CRYBG3: variants seen among roughly 807,000 people sequenced by gnomAD.
CRYBG3 encodes very large A-kinase anchor protein.
Under a neutral mutation model 244.2 loss-of-function variants are expected in CRYBG3, and 127 were observed. That is an observed-to-expected ratio of 0.52 (90% confidence interval 0.45 to 0.60). The LOEUF is 0.60. CRYBG3 is among the 20% of genes least tolerant of loss of function. CRYBG3 has a pLI of 0.00. For missense variants in CRYBG3, 3,325 were observed against 3,442.5 expected (o/e 0.97, Z 0.85); for synonymous variants, 1,132 against 1,195.8 (o/e 0.95, Z 1.10).
intron 2 of CRYBG3, among the ~76,000 whole-genome samples, chr3:97,851,602 G>A (rs4857296): frequency 0.44 from 67,578 of 152,082 alleles, 16,234 homozygotes; most frequent in East Asian, 0.67. Flanking sequence ...AGTAGTGTGA[G>A]AGAAAGAAAG....
intron 1 of CRYBG3, among the ~76,000 whole-genome samples, chr3:97,824,951 TC>T: frequency 6.6e-6 from 1 of 152,282 alleles, no homozygotes; most frequent in South Asian, 2.1e-4. Context: ...AGGAAGTGCT[TC>T]CTGGTAGGGA....
At chr3:97,871,370 T>C (rs1329504827) in intron 3 of CRYBG3, among the ~76,000 whole-genome samples, 2 of 152,204 alleles carry the variant, frequency 1.3e-5, no homozygotes, top group Non-Finnish European at 2.9e-5. Flanking sequence ...CCAAGTTACG[T>C]GCTAAACATT....
At position 97,944,129 on chromosome 3, in the gene CRYBG3, CAA is replaced by C. The variant is rs768382401; in HGVS notation, c.*816_*817del. 2.0e-5 allele frequency: 3 copies of C among 148,572 alleles called. No homozygotes were observed. Among genetic ancestry groups the C allele is most frequent in the Non-Finnish European group, 3.0e-5 (2 of 67,170 alleles). The allele number at this position is 148,572 out of a possible 1,614,324, so 9.2% of individuals were successfully genotyped here. A position where few individuals can be genotyped will look rare whatever the true frequency, so the allele number is the denominator to read the frequency against. On this transcript the variant is annotated 3_prime_UTR_variant, in exon 22 of 22. Coordinates refer to ENST00000389622, the MANE Select transcript of CRYBG3 (RefSeq NM_153605.4). ...CATCAATTTTTTTTTTTTTTTGCCTCAAGAGAAATTTCAAATATCCAAATTAA... is the reference window on the plus strand; with the variant it reads ...CATCAATTTTTTTTTTTTTTTGCCTCGAGAAATTTCAAATATCCAAATTAA...
At chr3:97,934,355 C>G (rs747188053) in intron 18 of CRYBG3, among the ~76,000 whole-genome samples, 11 of 151,964 alleles carry the variant, frequency 7.2e-5, no homozygotes, top group Non-Finnish European at 1.6e-4. Context: ...ATACTTAGGA[C>G]AGAAATGGTG....
At chr3:97,843,334 T>C in intron 2 of CRYBG3, 73 bp downstream of exon 2, 1 of 803,186 alleles carries the variant, frequency 1.2e-6, no homozygotes, top group Non-Finnish European at 1.9e-6. Context: ...TTAGATTCTG[T>C]CATCTTATTT....
intron 11 of CRYBG3, 111 bp downstream of exon 11, chr3:97,893,104 C>A: frequency 2.2e-6 from 2 of 926,006 alleles, no homozygotes; most frequent in Non-Finnish European, 3.3e-6. Context: ...AATATACATT[C>A]CTTCTGTAAT....
intron 1 of CRYBG3, among the ~76,000 whole-genome samples, chr3:97,828,949 G>C (rs1428371201): frequency 6.6e-6 from 1 of 152,014 alleles, no homozygotes; most frequent in Non-Finnish European, 1.5e-5. Context: ...AAATAAATCT[G>C]TCACTAGTGT....
At chr3:97,826,555 A>G (rs2108149947) in intron 1 of CRYBG3, among the ~76,000 whole-genome samples, 1 of 152,368 alleles carries the variant, frequency 6.6e-6, no homozygotes, top group East Asian at 1.9e-4. Flanking sequence ...AACGTTAGTT[A>G]CCAATTATTA....
chr3:97,881,077 T>A lies in CRYBG3; in HGVS notation c.7010T>A (p.Ile2337Asn). 6.3e-7 allele frequency: 1 copy of A among 1,586,970 alleles called. No individual in the cohort carries two copies. The highest frequency in any genetic ancestry group is 2.3e-5 in the East Asian group (1 of 44,394). Residue 2337 changes from isoleucine to asparagine, a missense_variant, in exon 7 of 22, where the codon ATT becomes AAT. Physicochemically the swap from Ile to Asn is moderately radical, Grantham distance 149. Coordinates refer to ENST00000389622, the MANE Select transcript of CRYBG3 (RefSeq NM_153605.4). Reference protein sequence around the residue: ...VLIKVVRGCWILYEKPHFRGQ... With the variant: ...VLIKVVRGCWNLYEKPHFRGQ... ...TTGCATTTCTCTTTGTTTAGCTGGA[T>A]TTTATATGAGAAACCACATTTCCGA...
chr3:97,940,409 T>C (rs1477600273), intron 19 of CRYBG3, among the ~76,000 whole-genome samples: 2 of 152,042 alleles, frequency 1.3e-5, no homozygotes, highest in Non-Finnish European at 2.9e-5. Context: ...TTTGTGGTTA[T>C]TCTGACAAAT....
At chr3:97,903,095 G>C (rs1359228477) in intron 15 of CRYBG3, among the ~76,000 whole-genome samples, 2 of 152,022 alleles carry the variant, frequency 1.3e-5, no homozygotes, top group Non-Finnish European at 2.9e-5. Flanking sequence ...TAAATGTTTG[G>C]ATTTATTTAA....
rs554611204 is a variant in CRYBG3, at chr3:97,922,718, G to T, written c.8241+6982G>T. ...TGCTGGAGAGGATGTGGAGAAATAG[G>T]AACACTTTTACACTGTTGGTGGGAC... On this transcript the variant is annotated intron_variant, in intron 17 of 21. Transcript: ENST00000389622. 2.0e-5 allele frequency among the ~76,000 whole-genome samples: 3 copies of T among 152,252 alleles called. No individual in the cohort carries two copies. In the East Asian group the frequency reaches 5.8e-4, roughly 29 times the overall value.
At position 97,822,325 on chromosome 3, in the gene CRYBG3, C is replaced by T. The variant is rs952579051; in HGVS notation, c.119C>T (p.Pro40Leu). Residue 40 changes from proline to leucine, a missense_variant, in exon 1 of 22, where the codon CCG becomes CTG. Physicochemically the swap from Pro to Leu is moderately conservative, Grantham distance 98. This residue lies in a region of CRYBG3 where 1,526 missense variants were observed against 1,443.2 expected (regional missense o/e 1.06). Transcript: ENST00000389622. ...EEEEERPGTS[P>L]PPAPGRSAAS... ...GAGGAGGAGAGGCCGGGGACGAGCC[C>T]GCCTCCAGCTCCAGGCCGGTCCGCT... The T allele has an allele frequency of 5.9e-5, 90 of 1,512,860 alleles. No homozygotes were observed. The Admixed American group carries it at 1.4e-3, about 24-fold the overall frequency. 93.7% of individuals were successfully genotyped at this position (1,512,860 alleles called of 1,614,324 possible). A position where few individuals can be genotyped will look rare whatever the true frequency, so the allele number is the denominator to read the frequency against.
Position 97,877,666 on chromosome 3 carries a change from T to C in CRYBG3, c.6472T>C (p.Leu2158=). 6.2e-7 allele frequency: 1 copy of C among 1,614,028 alleles called. No homozygotes were observed. The highest frequency in any genetic ancestry group is 8.5e-7 in the Non-Finnish European group (1 of 1,179,990). ...AGAAGAGGAGGAGGAGGCAGCAGTA[T>C]TGCATAAAGGAGATCTGAGAGCTGG... ...EEEEEEEAAV[L]HKGDLRAGSG... Residue 2158 remains leucine, a synonymous_variant, in exon 4 of 22, where the codon TTG becomes CTG. Transcript: ENST00000389622.
At chr3:97,896,277 A>T (rs1266216794) in intron 12 of CRYBG3, among the ~76,000 whole-genome samples, 192 bp downstream of exon 12, 1 of 151,962 alleles carries the variant, frequency 6.6e-6, no homozygotes, top group African/African-American at 2.4e-5. Flanking sequence ...TTAACTTTTC[A>T]TCCATTGTTT....
At chr3:97,887,120 G>T (rs2039517377) in intron 8 of CRYBG3, among the ~76,000 whole-genome samples, 1 of 152,152 alleles carries the variant, frequency 6.6e-6, no homozygotes, top group Non-Finnish European at 1.5e-5. Flanking sequence ...GTGGTATCAG[G>T]CACATATGGC....
Position 97,873,842 on chromosome 3 carries a change from G to C in CRYBG3, c.2648G>C (p.Gly883Ala), listed in dbSNP as rs2039335880. 1 of 1,534,828 alleles carries C rather than the reference G, an allele frequency of 6.5e-7. No individual in the cohort carries two copies. Among genetic ancestry groups the C allele is most frequent in the South Asian group, 1.2e-5 (1 of 83,778 alleles). The change falls in exon 4 of 22, where the codon GGC (glycine) becomes GCC (alanine). Residue 883 changes from glycine to alanine, a missense_variant. By Grantham distance (60) the Gly-to-Ala change is moderately conservative. This residue lies in a region of CRYBG3 where 1,526 missense variants were observed against 1,443.2 expected (regional missense o/e 1.06). Transcript: ENST00000389622. ...TTAACCTTTCTAGAAGTTGAACAGG[G>C]CAAACGTTTTCAATCAATTAATCAT... Reference protein sequence around the residue: ...SELTFLEVEQGKRFQSINHNE... With the variant: ...SELTFLEVEQAKRFQSINHNE...
chr3:97,899,165 T>C lies in CRYBG3; in HGVS notation c.7873T>C (p.Cys2625Arg). Reference sequence around the variant, plus strand: ...GGTTGCCTACCAGCAAAAGTTCTTCTGTGGAGAACAATACATTTTAGAAAA... The same window carrying C: ...GGTTGCCTACCAGCAAAAGTTCTTCCGTGGAGAACAATACATTTTAGAAAA... The part of the protein sequence containing the change: ...VWVAYQQKFF[C>R]GEQYILEKGK... Residue 2625 changes from cysteine to arginine, a missense_variant, in exon 14 of 22, where the codon TGT becomes CGT. This residue lies in a region of CRYBG3 where 714 missense variants were observed against 803.6 expected (regional missense o/e 0.89). Transcript: ENST00000389622. The C allele has an allele frequency of 1.2e-6, 2 of 1,612,622 alleles. No homozygotes were observed. Among genetic ancestry groups the C allele is most frequent in the Non-Finnish European group, 1.7e-6 (2 of 1,179,566 alleles).
intron 1 of CRYBG3, among the ~76,000 whole-genome samples, chr3:97,838,998 T>A (rs1296288842): frequency 6.6e-6 from 1 of 152,142 alleles, no homozygotes; most frequent in East Asian, 1.9e-4. Context: ...TTTGAGCTAT[T>A]TTGAAAGATT....
Sources: allele counts gnomAD v4.1 joint callset (sites outside exome capture counted in the v4.1 genomes callset), GRCh38; gene constraint gnomAD v4.1.1; regional missense constraint gnomAD v4.1.1; transcripts MANE v1.5; gene names NCBI Gene and HGNC (gene_info 2026-07-23, HGNC 2026-07-21).